HTR1F: variants seen among roughly 807,000 people sequenced by gnomAD.
HTR1F encodes 5-hydroxytryptamine receptor 1F.
In HTR1F, 17 loss-of-function variants were observed where a neutral mutation model predicts 24.0. The observed-to-expected ratio is 0.71, with a 90% CI of 0.48 to 1.06. The LOEUF (loss-of-function observed/expected upper bound fraction) is 1.06, where lower values mean the gene tolerates loss of function less well. Among genes scored for constraint, HTR1F ranks in the 50% least tolerant of loss-of-function variants. HTR1F has a pLI of 0.00. For synonymous variants in HTR1F, 186 were observed against 156.8 expected (o/e 1.19, Z -1.39); for missense variants, 391 against 427.8 (o/e 0.91, Z 0.76).
At chr3:87,794,058 T>C (rs893558424) in intron 1 of HTR1F, among the ~76,000 whole-genome samples, 3 of 152,132 alleles carry the variant, frequency 2.0e-5, no homozygotes, top group Non-Finnish European at 2.9e-5. Flanking sequence ...TACAAGTCTT[T>C]GAAATTTGAT....
At chr3:87,889,770 C>G (rs1266697174) in intron 2 of HTR1F, among the ~76,000 whole-genome samples, 2 of 151,938 alleles carry the variant, frequency 1.3e-5, no homozygotes, top group African/African-American at 2.4e-5. Flanking sequence ...AAGTAATTGC[C>G]AACTTGCTGA....
At position 87,841,616 on chromosome 3, in the gene HTR1F, A is replaced by C. The variant is rs555408284; in HGVS notation, c.-43+19492A>C. On this transcript the variant is annotated intron_variant, in intron 2 of 2. Transcript: ENST00000319595. ...ATGACCTTAAAAACTAAACTAACATAGGGCTGGGTGCGGTGGCTCACGTCT... is the reference window on the plus strand; with the variant it reads ...ATGACCTTAAAAACTAAACTAACATCGGGCTGGGTGCGGTGGCTCACGTCT... Among the ~76,000 whole-genome samples the C allele has an allele frequency of 2.8e-4, 42 of 151,830 alleles. No individual in the cohort carries two copies. In the East Asian group the frequency reaches 8.1e-3, roughly 29 times the overall value.
chr3:87,936,877 A>G (rs1467716931), intron 2 of HTR1F, among the ~76,000 whole-genome samples: 1 of 151,364 alleles, frequency 6.6e-6, no homozygotes, highest in Non-Finnish European at 1.5e-5. Context: ...GAAAATCTAG[A>G]AGAGACAAAG....
chr3:87,845,470 A>T (rs1490433214), intron 2 of HTR1F, among the ~76,000 whole-genome samples: 1 of 148,592 alleles, frequency 6.7e-6, no homozygotes, highest in Non-Finnish European at 1.5e-5. Context: ...TCATGAGTGA[A>T]CTCCCATTCA....
At chr3:87,822,310 G>A (rs57777775) in intron 2 of HTR1F, among the ~76,000 whole-genome samples, 186 bp downstream of exon 2, 9,335 of 152,238 alleles carry the variant, frequency 0.061, 422 homozygotes, top group East Asian at 0.16. Flanking sequence ...AGTGTTTCAA[G>A]GTGAAAGGAA....
chr3:87,842,443 TG>T (rs1471813820), intron 2 of HTR1F, among the ~76,000 whole-genome samples: 6 of 151,970 alleles, frequency 3.9e-5, no homozygotes, highest in African/African-American at 1.5e-4. Flanking sequence ...ATTACAGGTG[TG>T]AGCCACCGCA....
intron 2 of HTR1F, among the ~76,000 whole-genome samples, chr3:87,868,327 ATTT>A (rs773166813): frequency 1.3e-5 from 2 of 151,878 alleles, no homozygotes; most frequent in Admixed American, 6.6e-5. Context: ...AGATTATGTG[ATTT>A]TTTTCTCTGA....
chr3:87,832,391 G>A (rs1203740800), intron 2 of HTR1F, among the ~76,000 whole-genome samples: 1 of 146,544 alleles, frequency 6.8e-6, no homozygotes, highest in East Asian at 2.0e-4. Flanking sequence ...GCAGTGGCGC[G>A]ATCTCGGCTC....
chr3:87,938,894 A>G (rs1371196475), intron 2 of HTR1F, among the ~76,000 whole-genome samples: 1 of 152,218 alleles, frequency 6.6e-6, no homozygotes, highest in Non-Finnish European at 1.5e-5. Flanking sequence ...ATTTCACTAC[A>G]AAGACACCAA....
intron 2 of HTR1F, among the ~76,000 whole-genome samples, chr3:87,825,073 TA>T (rs900564881): frequency 1.6e-4 from 25 of 152,310 alleles, no homozygotes; most frequent in African/African-American, 5.8e-4. Context: ...TCAAAGCACA[TA>T]AAAATATGTC....
intron 2 of HTR1F, among the ~76,000 whole-genome samples, chr3:87,977,555 C>T (rs567796384): frequency 2.0e-4 from 31 of 151,498 alleles, no homozygotes; most frequent in African/African-American, 6.3e-4. Context: ...CCCGCCAGCA[C>T]GCCCAGCTAA....
intron 2 of HTR1F, among the ~76,000 whole-genome samples, chr3:87,900,862 T>G (rs1261634693): frequency 5.3e-5 from 8 of 152,160 alleles, no homozygotes; most frequent in Admixed American, 5.2e-4. Flanking sequence ...ACATTTGAGA[T>G]GCGTATTAGA....
chr3:87,903,294 G>C (rs1206605824), intron 2 of HTR1F, among the ~76,000 whole-genome samples: 8 of 149,024 alleles, frequency 5.4e-5, no homozygotes, highest in Admixed American at 5.3e-4. Flanking sequence ...TTAAACTAAA[G>C]AGCTTCTGCA....
chr3:87,840,357 C>CAA (rs1704775174), intron 2 of HTR1F, among the ~76,000 whole-genome samples: 1 of 151,908 alleles, frequency 6.6e-6, no homozygotes, highest in African/African-American at 2.4e-5. Context: ...CAGAGAAATG[C>CAA]AAATTAAAAA....
chr3:87,917,690 A>G (rs1703925801), intron 2 of HTR1F, among the ~76,000 whole-genome samples: 1 of 151,878 alleles, frequency 6.6e-6, no homozygotes, highest in African/African-American at 2.4e-5. Flanking sequence ...GAACAGATGA[A>G]AAACAAGCAG....
At chr3:87,830,316 G>A (rs1404972735) in intron 2 of HTR1F, among the ~76,000 whole-genome samples, 1 of 152,120 alleles carries the variant, frequency 6.6e-6, no homozygotes, top group Admixed American at 6.5e-5. Context: ...TATGCATTGT[G>A]TGTAAATTCC....
chr3:87,861,079 C>A (rs1705308891), intron 2 of HTR1F, among the ~76,000 whole-genome samples: 1 of 152,180 alleles, frequency 6.6e-6, no homozygotes, highest in African/African-American at 2.4e-5. Flanking sequence ...ATTGCTTGAA[C>A]CCGAGAAGCA....
intron 2 of HTR1F, among the ~76,000 whole-genome samples, chr3:87,827,050 A>G (rs1704478672): frequency 1.3e-5 from 2 of 151,818 alleles, no homozygotes; most frequent in African/African-American, 4.8e-5. Flanking sequence ...AGCTCAAGTC[A>G]TCTGCCAGCT....
chr3:87,825,142 T>G (rs888394793), intron 2 of HTR1F, among the ~76,000 whole-genome samples: 1 of 152,198 alleles, frequency 6.6e-6, no homozygotes. Flanking sequence ...TAACAACTTT[T>G]CAGACAACAG....
Sources: allele counts gnomAD v4.1 joint callset (sites outside exome capture counted in the v4.1 genomes callset), GRCh38; gene constraint gnomAD v4.1.1; transcripts MANE v1.5; gene names NCBI Gene and HGNC (gene_info 2026-07-23, HGNC 2026-07-21).